The following SRPK1 variants were observed in gnomAD, a reference collection of about 807,000 sequenced individuals.
The protein encoded by SRPK1 is SFRS protein kinase 1.
Under a neutral mutation model 89.5 loss-of-function variants are expected in SRPK1, and 52 were observed. That is an observed-to-expected ratio of 0.58 (90% CI 0.46 to 0.73). The LOEUF is 0.73. SRPK1 is among the 30% of genes least tolerant of loss of function. The pLI is 0.00. For synonymous variants in SRPK1, 255 were observed against 270.2 expected (o/e 0.94, Z 0.55); for missense variants, 603 against 780.6 (o/e 0.77, Z 2.71).
intron 6 of SRPK1, among the ~76,000 whole-genome samples, chr6:35,877,084 T>C (rs531802515): frequency 1.3e-5 from 2 of 152,276 alleles, no homozygotes; most frequent in East Asian, 1.9e-4. Flanking sequence ...TAAAGGATTA[T>C]AGAGAACAAT....
intron 12 of SRPK1, among the ~76,000 whole-genome samples, chr6:35,857,793 T>A (rs752914599): frequency 9.8e-5 from 15 of 152,326 alleles, no homozygotes; most frequent in Non-Finnish European, 2.2e-4. Flanking sequence ...CCTTGCAATT[T>A]ACTATACTTG....
At chr6:35,921,003 C>T (rs1265686861) in intron 1 of SRPK1, 41 bp downstream of exon 1, 3 of 1,532,166 alleles carry the variant, frequency 2.0e-6, no homozygotes, top group Non-Finnish European at 2.6e-6. Flanking sequence ...CTCGCCCCGG[C>T]GACCATTGCC....
rs1248298096 is a variant in SRPK1 at position 35,869,492 on chromosome 6, C to T, written c.1401G>A (p.Leu467=). The change falls in exon 11 of 16, where the codon CTG becomes CTA. Residue 467 remains leucine, a synonymous_variant. Coordinates refer to ENST00000373825, the MANE Select transcript of SRPK1 (RefSeq NM_003137.5). ...TAGCTGCATAGGTACCTTTGTTGTCCAGTGGTCCGTTATGTTCTTGCTCTT... is the reference window on the plus strand; with the variant it reads ...TAGCTGCATAGGTACCTTTGTTGTCTAGTGGTCCGTTATGTTCTTGCTCTT... The part of the protein sequence containing the change: ...DEQEQEHNGP[L]DNKGKSTAGN... The T allele has an allele frequency of 3.7e-6, 6 of 1,612,712 alleles. No homozygotes were observed. In the East Asian group the frequency reaches 8.9e-5, roughly 24 times the overall value.
chr6:35,891,059 A>G (rs1275369615), intron 2 of SRPK1, 46 bp from the exon 3 acceptor site: 2 of 1,525,464 alleles, frequency 1.3e-6, no homozygotes. Flanking sequence ...ACAGAAGAAA[A>G]TAAGACATTA....
chr6:35,866,013 A>G (rs1004204386), intron 12 of SRPK1, among the ~76,000 whole-genome samples: 4 of 152,078 alleles, frequency 2.6e-5, no homozygotes, highest in African/African-American at 7.2e-5. Context: ...ACTCAACTCA[A>G]TTAAAAAAAA....
chr6:35,854,634 C>T (rs1393715502), intron 13 of SRPK1, among the ~76,000 whole-genome samples: 1 of 152,106 alleles, frequency 6.6e-6, no homozygotes, highest in African/African-American at 2.4e-5. Flanking sequence ...TTCAGCCTTA[C>T]TTCTTAAGCC....
At chr6:35,877,471 A>G (rs746233498) in intron 6 of SRPK1, among the ~76,000 whole-genome samples, 3 of 152,208 alleles carry the variant, frequency 2.0e-5, no homozygotes, top group Admixed American at 6.5e-5. Context: ...AGAATTAGAC[A>G]AGGACAATAA....
At chr6:35,881,585 G>A (rs1355169254) in intron 6 of SRPK1, among the ~76,000 whole-genome samples, 1 of 151,842 alleles carries the variant, frequency 6.6e-6, no homozygotes, top group Admixed American at 6.6e-5. Flanking sequence ...GTAACCAAAC[G>A]AAATCAGGGG....
intron 14 of SRPK1, among the ~76,000 whole-genome samples, chr6:35,841,508 A>G (rs1396533351): frequency 6.6e-6 from 1 of 152,176 alleles, no homozygotes; most frequent in Non-Finnish European, 1.5e-5. Flanking sequence ...CATTAATCCT[A>G]CAACTAAAAC....
intron 2 of SRPK1, among the ~76,000 whole-genome samples, chr6:35,892,356 T>A (rs1432597022): frequency 6.6e-6 from 1 of 152,114 alleles, no homozygotes; most frequent in Non-Finnish European, 1.5e-5. Context: ...CTAGGACCTT[T>A]AAGCAAAAAA....
At position 35,885,224 on chromosome 6, in the gene SRPK1, TA is replaced by T. The variant is rs560443283; in HGVS notation, c.478+1499del. 1.3e-3 allele frequency among the ~76,000 whole-genome samples: 172 copies of T among 131,960 alleles called. 1 individual carries two copies. The highest frequency in any genetic ancestry group is 4.9e-3 in the African/African-American group (167 of 34,230). 86.6% of individuals were successfully genotyped at this position (131,960 alleles called of 152,430 possible). ...CATCACGACACCCTGTGTAGGTTTT[TA>T]AAAAATTACTTGGTTTAGAATTCTT... is the stretch of plus-strand genomic sequence containing the variant. On this transcript the variant is annotated intron_variant, in intron 6 of 15. Coordinates refer to ENST00000373825, the MANE Select transcript of SRPK1 (RefSeq NM_003137.5).
rs1157393665 is a variant in SRPK1 at position 35,920,261 on chromosome 6, C to T, written c.74+207G>A. 22 of 644,586 alleles carry T rather than the reference C, an allele frequency of 3.4e-5. No individual in the cohort carries two copies. The Admixed American group carries it at 4.8e-4, about 14-fold the overall frequency. 39.9% of individuals were successfully genotyped at this position (644,586 alleles called of 1,614,324 possible). A position where few individuals can be genotyped will look rare whatever the true frequency, so the allele number is the denominator to read the frequency against. On this transcript the variant is annotated intron_variant, in intron 2 of 15. Transcript: ENST00000373825. ...CTCCGACAGCCCTTTCCAGCAGGCC[C>T]GGGGCTGCTAAGACCCAGGCCTGGC...
intron 6 of SRPK1, among the ~76,000 whole-genome samples, chr6:35,885,615 A>T (rs1280420424): frequency 2.6e-5 from 4 of 152,222 alleles, no homozygotes; most frequent in African/African-American, 9.6e-5. Flanking sequence ...AGGAATGTGC[A>T]TTAAAGGAAG....
intron 12 of SRPK1, among the ~76,000 whole-genome samples, chr6:35,863,499 A>T (rs1769828649): frequency 6.6e-6 from 1 of 151,576 alleles, no homozygotes. Flanking sequence ...GAATGAATAA[A>T]TAATTTTTTT....
intron 13 of SRPK1, 82 bp downstream of exon 13, chr6:35,857,179 A>T: frequency 1.0e-6 from 1 of 961,896 alleles, no homozygotes; most frequent in Non-Finnish European, 1.6e-6. Context: ...TCTGCTAGTT[A>T]ATTTGCTGGT....
At chr6:35,885,473 A>G (rs1445798617) in intron 6 of SRPK1, among the ~76,000 whole-genome samples, 1 of 152,128 alleles carries the variant, frequency 6.6e-6, no homozygotes, top group Admixed American at 6.5e-5. Context: ...GTCTTTCCAC[A>G]TTATCAGCTG....
At chr6:35,907,705 CAAAAAATAAAAAAT>C (rs543326003) in intron 2 of SRPK1, among the ~76,000 whole-genome samples, 31 of 128,712 alleles carry the variant, frequency 2.4e-4, no homozygotes, top group Non-Finnish European at 3.6e-4. Flanking sequence ...AACTCCGTCT[CAAAAAATAAAAAAT>C]AAAAAATAAA....
intron 6 of SRPK1, among the ~76,000 whole-genome samples, chr6:35,885,448 G>C (rs756680222): frequency 1.3e-5 from 2 of 152,038 alleles, no homozygotes; most frequent in Non-Finnish European, 2.9e-5. Flanking sequence ...ACTCAGAATT[G>C]ACTTTAGAAC....
At chr6:35,859,856 G>A (rs980435653) in intron 12 of SRPK1, among the ~76,000 whole-genome samples, 1 of 151,486 alleles carries the variant, frequency 6.6e-6, no homozygotes, top group African/African-American at 2.4e-5. Flanking sequence ...TGAAAAGAAC[G>A]TAGTCTTTTT....
Sources: allele counts gnomAD v4.1 joint callset (sites outside exome capture counted in the v4.1 genomes callset), GRCh38; gene constraint gnomAD v4.1.1; transcripts MANE v1.5; gene names NCBI Gene and HGNC (gene_info 2026-07-23, HGNC 2026-07-21).